Variants in FMN1 observed in about 807,000 individuals in gnomAD.
The protein encoded by FMN1 is formin-1.
A neutral mutation model predicts 132.4 loss-of-function variants in FMN1; 110 were observed. That is an observed-to-expected ratio of 0.83 (90% confidence interval 0.71 to 0.97). FMN1 has a LOEUF of 0.97. FMN1 is among the 50% of genes least tolerant of loss of function. The pLI is 0.00. For synonymous variants in FMN1, 722 were observed against 651.7 expected (o/e 1.11, Z -1.64); for missense variants, 1,792 against 1,705.3 (o/e 1.05, Z -0.90).
At chr15:32,964,507 T>G (rs2030993848) in intron 8 of FMN1, among the ~76,000 whole-genome samples, 1 of 152,202 alleles carries the variant, frequency 6.6e-6, no homozygotes, top group African/African-American at 2.4e-5. Flanking sequence ...AAGATAGAGC[T>G]CTACAGAAAC....
intron 6 of FMN1, among the ~76,000 whole-genome samples, chr15:33,022,107 A>C (rs2035444048): frequency 6.6e-6 from 1 of 152,236 alleles, no homozygotes; most frequent in Non-Finnish European, 1.5e-5. Flanking sequence ...TAACCTATGC[A>C]TATCCTACTA....
intron 11 of FMN1, among the ~76,000 whole-genome samples, 169 bp downstream of exon 11, chr15:32,910,305 G>A (rs1180430236): frequency 6.6e-6 from 1 of 152,188 alleles, no homozygotes; most frequent in African/African-American, 2.4e-5. Flanking sequence ...GTGGGAGTCA[G>A]GAATCTAGTG....
At chr15:33,192,726 G>GAA (rs936747568) in intron 2 of FMN1, among the ~76,000 whole-genome samples, 1 of 152,000 alleles carries the variant, frequency 6.6e-6, no homozygotes, top group African/African-American at 2.4e-5. Context: ...AAAGACAATG[G>GAA]AAAAAAATGC....
intron 5 of FMN1, chr15:33,066,544 A>G: frequency 6.3e-7 from 1 of 1,576,552 alleles, no homozygotes; most frequent in Non-Finnish European, 8.6e-7. Context: ...CCGCTGGCTT[A>G]GAATTGGACC....
rs144083080 is a variant in FMN1 at position 32,891,278 on chromosome 15, C to T, written c.3715-2986G>A. 5.7e-3 allele frequency among the ~76,000 whole-genome samples: 874 copies of T among 152,254 alleles called. 9 individuals carry two copies. Among genetic ancestry groups the T allele is most frequent in the African/African-American group, 0.019 (806 of 41,552 alleles). On this transcript the variant is annotated intron_variant, in intron 15 of 20. Transcript: ENST00000616417. Reference sequence around the variant, plus strand: ...AGTTCTTTTTCTTGAGACGGAGTCTCGCTCTGTCGCCCAGGCTGGAGTGCA... The same window carrying T: ...AGTTCTTTTTCTTGAGACGGAGTCTTGCTCTGTCGCCCAGGCTGGAGTGCA...
chr15:33,179,801 C>T (rs1331627845), intron 3 of FMN1, among the ~76,000 whole-genome samples: 3 of 152,028 alleles, frequency 2.0e-5, no homozygotes, highest in Non-Finnish European at 4.4e-5. Flanking sequence ...TAAAATAGTG[C>T]CTGGCACATA....
At chr15:33,014,688 G>C (rs1375316186) in intron 6 of FMN1, among the ~76,000 whole-genome samples, 1 of 152,168 alleles carries the variant, frequency 6.6e-6, no homozygotes, top group Non-Finnish European at 1.5e-5. Context: ...AGCTTTCTTA[G>C]TCTAGTATTT....
intron 9 of FMN1, among the ~76,000 whole-genome samples, chr15:32,934,933 T>C (rs1415156011): frequency 3.3e-5 from 5 of 149,426 alleles, no homozygotes; most frequent in African/African-American, 5.1e-5. Flanking sequence ...TTTTCTTTTT[T>C]TTTTTTTGAG....
intron 16 of FMN1, among the ~76,000 whole-genome samples, chr15:32,881,426 A>C (rs2059767385): frequency 6.6e-6 from 1 of 152,156 alleles, no homozygotes; most frequent in South Asian, 2.1e-4. Context: ...TCTATGCTTT[A>C]AAATTGATGC....
intron 6 of FMN1, among the ~76,000 whole-genome samples, chr15:33,021,324 C>T (rs1415687343): frequency 6.6e-6 from 1 of 151,796 alleles, no homozygotes; most frequent in South Asian, 2.1e-4. Flanking sequence ...ATTATTACAG[C>T]AATAGCTGAT....
At chr15:32,880,365 T>G (rs2059739856) in intron 16 of FMN1, among the ~76,000 whole-genome samples, 1 of 152,212 alleles carries the variant, frequency 6.6e-6, no homozygotes, top group Non-Finnish European at 1.5e-5. Context: ...ACTAGTTGTA[T>G]AAAATCTCTT....
rs542345193 is a variant in FMN1 at position 32,777,830 on chromosome 15, T to C, written c.4131-911A>G. 1.8e-3 allele frequency among the ~76,000 whole-genome samples: 195 copies of C among 105,976 alleles called. 18 individuals are homozygous for C. Among genetic ancestry groups the C allele is most frequent in the African/African-American group, 7.5e-3 (184 of 24,584 alleles). 69.5% of individuals were successfully genotyped at this position (105,976 alleles called of 152,430 possible). On this transcript the variant is annotated intron_variant, in intron 19 of 20. Transcript: ENST00000616417. Reference sequence around the variant, plus strand: ...ATAATACATTTATTTATATATTATGTATAATATATAATACATTAATTATAT... The same window carrying C: ...ATAATACATTTATTTATATATTATGCATAATATATAATACATTAATTATAT...
chr15:33,051,787 T>G (rs550873204), intron 6 of FMN1, among the ~76,000 whole-genome samples: 1 of 152,166 alleles, frequency 6.6e-6, no homozygotes, highest in Non-Finnish European at 1.5e-5. Context: ...CTGCACATGC[T>G]GATAGCCCAC....
In FMN1 at chr15:33,140,193, A is replaced by AACACACACACAC. The variant is rs61485667; in HGVS notation, c.1867+12843_1867+12854dup. Reference sequence around the variant, plus strand: ...CTATGCAACTTTCCACCTATGGTTAAACACACACACACACACACACACACA... The same window carrying AACACACACACAC: ...CTATGCAACTTTCCACCTATGGTTAAACACACACACACACACACACACACACACACACACACA... On this transcript the variant is annotated intron_variant, in intron 4 of 20. Coordinates refer to ENST00000616417, the MANE Select transcript of FMN1 (RefSeq NM_001277313.2). 6.0e-3 allele frequency among the ~76,000 whole-genome samples: 860 copies of AACACACACACAC among 142,948 alleles called. 8 individuals carry two copies. The highest frequency in any genetic ancestry group is 8.7e-3 in the East Asian group (42 of 4,818). The allele number at this position is 142,948 out of a possible 152,430, so 93.8% of individuals were successfully genotyped here. A position where few individuals can be genotyped will look rare whatever the true frequency, so the allele number is the denominator to read the frequency against.
chr15:33,011,760 T>C (rs1191419400), intron 6 of FMN1, among the ~76,000 whole-genome samples: 2 of 151,870 alleles, frequency 1.3e-5, no homozygotes, highest in African/African-American at 4.8e-5. Flanking sequence ...CTATAGAAAA[T>C]GAAGCCCATG....
At chr15:33,048,501 C>T (rs1446561139) in intron 6 of FMN1, among the ~76,000 whole-genome samples, 2 of 151,292 alleles carry the variant, frequency 1.3e-5, no homozygotes, top group East Asian at 3.9e-4. Context: ...GTAAAAGTTT[C>T]TAACAGTTAC....
chr15:33,180,359 T>A (rs1188009791), intron 2 of FMN1, 97 bp from the exon 3 acceptor site: 2 of 152,172 alleles, frequency 1.3e-5, no homozygotes, highest in Non-Finnish European at 2.9e-5. Context: ...ATTAGGTGGC[T>A]AATTTGAAGG....
intron 12 of FMN1, among the ~76,000 whole-genome samples, chr15:32,904,595 G>T (rs1436209124): frequency 6.6e-6 from 1 of 152,172 alleles, no homozygotes; most frequent in African/African-American, 2.4e-5. Context: ...AGCTGCTAAG[G>T]TAACAAGACC....
chr15:32,938,096 CTTTT>C (rs751245089), intron 9 of FMN1, among the ~76,000 whole-genome samples: 2 of 149,132 alleles, frequency 1.3e-5, no homozygotes, highest in South Asian at 2.1e-4. Context: ...TTTTGTTGCA[CTTTT>C]TTTTTTCACT....
Sources: allele counts gnomAD v4.1 joint callset (sites outside exome capture counted in the v4.1 genomes callset), GRCh38; gene constraint gnomAD v4.1.1; transcripts MANE v1.5; gene names NCBI Gene and HGNC (gene_info 2026-07-23, HGNC 2026-07-21).